The following SYCP1 variants were observed in gnomAD, a reference collection of about 807,000 sequenced individuals.
The protein encoded by SYCP1 is synaptonemal complex protein 1, also known as cancer/testis antigen 8.
A neutral mutation model predicts 153.1 loss-of-function variants in SYCP1; 64 were observed. The observed-to-expected ratio is 0.42, with a 90% CI of 0.34 to 0.51. The LOEUF is 0.51. Ranked by LOEUF, SYCP1 falls within the 20% of genes least tolerant of loss-of-function variation. SYCP1 has a pLI of 0.06. For missense variants in SYCP1, 997 were observed against 1,049.0 expected (o/e 0.95, Z 0.68); for synonymous variants, 384 against 341.8 (o/e 1.12, Z -1.36).
chr1:114,924,298 A>G (rs1479536012), intron 21 of SYCP1, among the ~76,000 whole-genome samples: 1 of 152,156 alleles, frequency 6.6e-6, no homozygotes, highest in East Asian at 1.9e-4. Flanking sequence ...CTTATTCCTG[A>G]GTCAATCACT....
chr1:114,962,382 G>C (rs563141178), intron 27 of SYCP1, among the ~76,000 whole-genome samples: 1 of 152,106 alleles, frequency 6.6e-6, no homozygotes, highest in Non-Finnish European at 1.5e-5. Flanking sequence ...ATATTTTCCT[G>C]TTAAACAAGT....
intron 29 of SYCP1, among the ~76,000 whole-genome samples, chr1:114,982,621 T>G (rs1673239311): frequency 6.6e-6 from 1 of 151,952 alleles, no homozygotes; most frequent in Non-Finnish European, 1.5e-5. Context: ...GTTTTCATGC[T>G]TTTCTTCATT....
At chr1:114,860,139 A>G (rs1664276104) in intron 7 of SYCP1, among the ~76,000 whole-genome samples, 1 of 152,170 alleles carries the variant, frequency 6.6e-6, no homozygotes, top group South Asian at 2.1e-4. Flanking sequence ...CAGTACTTAT[A>G]AAACAGGACT....
intron 8 of SYCP1, among the ~76,000 whole-genome samples, chr1:114,865,033 G>A (rs1463694911): frequency 7.2e-5 from 11 of 152,082 alleles, no homozygotes; most frequent in Non-Finnish European, 1.5e-4. Context: ...ATCAGTTGGT[G>A]TCTTAATTTG....
intron 27 of SYCP1, among the ~76,000 whole-genome samples, chr1:114,954,295 TTG>T (rs1191957348): frequency 1.3e-5 from 2 of 151,974 alleles, no homozygotes; most frequent in African/African-American, 4.8e-5. Context: ...GTGCAATAGA[TTG>T]TGTTTTTAAT....
chr1:114,979,170 A>G (rs1224940521), intron 28 of SYCP1, among the ~76,000 whole-genome samples: 1 of 151,124 alleles, frequency 6.6e-6, no homozygotes, highest in Non-Finnish European at 1.5e-5. Flanking sequence ...TTCCAACACT[A>G]CTGAAACATA....
At chr1:114,970,947 T>G (rs961874526) in intron 27 of SYCP1, among the ~76,000 whole-genome samples, 2 of 152,114 alleles carry the variant, frequency 1.3e-5, no homozygotes, top group African/African-American at 4.8e-5. Flanking sequence ...TTAGCCAGGG[T>G]GTTACAGCCG....
chr1:114,947,289 A>G lies in SYCP1; in HGVS notation c.2291A>G (p.Lys764Arg), dbSNP rs768604202. ...CTCAAAGCTGAACTTTTGTCTGTTA[A>G]GAAGCAACTTGAAATAGAAAGAGAA... Reference protein sequence around the residue: ...SNLKAELLSVKKQLEIEREEK... With the variant: ...SNLKAELLSVRKQLEIEREEK... The change falls in exon 27 of 32, where the codon AAG (lysine) becomes AGG (arginine). Residue 764 changes from lysine to arginine, a missense_variant. Transcript: ENST00000369522. 1.9e-6 allele frequency: 3 copies of G among 1,612,968 alleles called. No individual in the cohort carries two copies. The highest frequency in any genetic ancestry group is 2.5e-6 in the Non-Finnish European group (3 of 1,179,602).
intron 27 of SYCP1, among the ~76,000 whole-genome samples, chr1:114,968,666 GC>G (rs1376945722): frequency 1.3e-5 from 2 of 152,132 alleles, no homozygotes; most frequent in African/African-American, 2.4e-5. Context: ...ACCTTCTGAA[GC>G]CTACTTCTGT....
intron 23 of SYCP1, among the ~76,000 whole-genome samples, chr1:114,932,410 A>G (rs1446713052): frequency 6.6e-6 from 1 of 152,212 alleles, no homozygotes; most frequent in African/African-American, 2.4e-5. Context: ...TAAACTGGTT[A>G]AAATATTGGC....
intron 16 of SYCP1, among the ~76,000 whole-genome samples, chr1:114,905,907 C>G (rs1667777783): frequency 6.6e-6 from 1 of 152,024 alleles, no homozygotes; most frequent in African/African-American, 2.4e-5. Context: ...AATATCTGTA[C>G]AGTCTGTAGG....
intron 16 of SYCP1, among the ~76,000 whole-genome samples, chr1:114,905,880 T>A (rs1403219640): frequency 1.3e-5 from 2 of 152,218 alleles, no homozygotes; most frequent in African/African-American, 4.8e-5. Context: ...TTTGTAGCAT[T>A]TCCTGTTATC....
At chr1:114,860,086 CA>C (rs534421075) in intron 7 of SYCP1, among the ~76,000 whole-genome samples, 1 of 152,170 alleles carries the variant, frequency 6.6e-6, no homozygotes, top group Non-Finnish European at 1.5e-5. Context: ...TCTGTATCTA[CA>C]ACTACCTATG....
intron 23 of SYCP1, among the ~76,000 whole-genome samples, chr1:114,939,653 A>T (rs1165369047): frequency 6.6e-6 from 1 of 152,190 alleles, no homozygotes; most frequent in Non-Finnish European, 1.5e-5. Flanking sequence ...TTGTTAAGGG[A>T]TATGAGGGAA....
At chr1:114,975,432 TA>T (rs1240261804) in intron 27 of SYCP1, among the ~76,000 whole-genome samples, 1 of 151,428 alleles carries the variant, frequency 6.6e-6, no homozygotes, top group Non-Finnish European at 1.5e-5. Context: ...TATTTTAAAA[TA>T]ATGTATCTAA....
chr1:114,973,148 C>T (rs1382398044), intron 27 of SYCP1, among the ~76,000 whole-genome samples: 1 of 152,022 alleles, frequency 6.6e-6, no homozygotes, highest in Non-Finnish European at 1.5e-5. Context: ...ATTCTGCTTA[C>T]AGGGTGATGA....
At chr1:114,857,565 T>A (rs1664089154) in intron 5 of SYCP1, 68 bp downstream of exon 5, 2 of 1,136,582 alleles carry the variant, frequency 1.8e-6, no homozygotes, top group Non-Finnish European at 2.4e-6. Context: ...TATATGTATA[T>A]TTCTTTTGAA....
intron 27 of SYCP1, among the ~76,000 whole-genome samples, chr1:114,965,748 C>T (rs1446344505): frequency 6.6e-6 from 1 of 152,016 alleles, no homozygotes; most frequent in Non-Finnish European, 1.5e-5. Context: ...TTAGGTTTGC[C>T]AGTATTTTAT....
intron 16 of SYCP1, among the ~76,000 whole-genome samples, chr1:114,901,201 A>T (rs1351407230): frequency 6.6e-6 from 1 of 152,206 alleles, no homozygotes; most frequent in African/African-American, 2.4e-5. Context: ...GTCTCTCCCC[A>T]CTCAGATGTG....
Sources: gnomAD v4.1 joint callset for allele counts (sites outside exome capture counted in the v4.1 genomes callset) on GRCh38, gnomAD v4.1.1 for gene constraint, MANE v1.5 for transcripts, NCBI Gene and HGNC (gene_info 2026-07-23, HGNC 2026-07-21) for gene names.